The following TWF2 variants were observed in gnomAD, a reference collection of about 807,000 sequenced individuals.
The protein encoded by TWF2 is twinfilin-2.
TWF2 carries 15 observed loss-of-function variants against 45.1 expected under a neutral mutation model. The ratio of observed to expected loss-of-function variants is 0.33; its 90% CI spans 0.22 to 0.51. The LOEUF (loss-of-function observed/expected upper bound fraction) is 0.51. Among genes scored for constraint, TWF2 ranks in the 20% least tolerant of loss-of-function variants. The probability of loss-of-function intolerance (pLI) is 0.97; values close to 1 mark genes in which losing one functional copy is unlikely to be tolerated. For missense variants in TWF2, 423 were observed against 469.1 expected, an observed-to-expected ratio of 0.90 and a Z score of 0.91; for synonymous variants, 177 against 195.8, an observed-to-expected ratio of 0.90 and a Z score of 0.80.
At chr3:52,231,379 C>A in intron 4 of TWF2, 65 bp downstream of exon 4, 2 of 1,593,944 alleles carry the variant, frequency 1.3e-6, no homozygotes, top group South Asian at 1.1e-5. Context: ...GCTCTCTGAC[C>A]CTGCACAGTG....
Position 52,230,074 on chromosome 3 carries a change from C to T in TWF2, c.610-4G>A, listed in dbSNP as rs1180097110. On this transcript the variant is annotated splice_polypyrimidine_tract_variant and splice_region_variant and intron_variant, in intron 6 of 8. Transcript: ENST00000305533. ...TTTCCCGCTCTAGGTCCAGCTTCTG[C>T]CCAGGGCCAAGGGAAGATGGGAGAG... is the stretch of plus-strand genomic sequence containing the variant. 2.8e-5 allele frequency: 44 copies of T among 1,578,392 alleles called. No individual in the cohort carries two copies. Among genetic ancestry groups the T allele is most frequent in the Non-Finnish European group, 3.7e-5 (43 of 1,164,146 alleles).
rs761159375 is a variant in TWF2 at position 52,230,919 on chromosome 3, T to C, written c.560A>G (p.Gln187Arg). 6.2e-7 allele frequency: 1 copy of C among 1,608,488 alleles called. No homozygotes were observed. Among genetic ancestry groups the C allele is most frequent in the Admixed American group, 1.7e-5 (1 of 58,962 alleles). Residue 187 changes from glutamine to arginine, a missense_variant, in exon 6 of 9, where the codon CAG becomes CGG. Physicochemically the swap from Gln to Arg is conservative, Grantham distance 43. Coordinates refer to ENST00000305533, the MANE Select transcript of TWF2 (RefSeq NM_007284.4). The part of the protein sequence containing the change: ...GLAFPLQPEA[Q>R]RALQQLKQKM... ...CTGCTTGAGCTGCTGGAGTGCCCGCTGGGCCTCAGGCTGCAGGGGGAAGGC... is the reference window on the plus strand; with the variant it reads ...CTGCTTGAGCTGCTGGAGTGCCCGCCGGGCCTCAGGCTGCAGGGGGAAGGC...
chr3:52,234,919 T>C, intron 2 of TWF2, 110 bp downstream of exon 2: 1 of 1,228,790 alleles, frequency 8.1e-7, no homozygotes, highest in Non-Finnish European at 1.2e-6. Context: ...ATTTCCAGAG[T>C]GGGAAATTGA....
intron 1 of TWF2, among the ~76,000 whole-genome samples, chr3:52,235,776 G>A (rs187622356): frequency 6.6e-6 from 1 of 152,304 alleles, no homozygotes; most frequent in African/African-American, 2.4e-5. Flanking sequence ...AGACGTGTGT[G>A]CAGGCAACAG....
intron 8 of TWF2, 115 bp from the exon 9 acceptor site, chr3:52,229,316 C>T: frequency 7.1e-7 from 1 of 1,403,612 alleles, no homozygotes; most frequent in South Asian, 1.4e-5. Flanking sequence ...CTGGGGTCTC[C>T]TGAGGTCTCC....
At chr3:52,231,663 C>A (rs868710521) in intron 3 of TWF2, 124 bp from the exon 4 acceptor site, 1 of 1,168,380 alleles carries the variant, frequency 8.6e-7, no homozygotes, top group Non-Finnish European at 1.2e-6. Context: ...AGGGCCAGCC[C>A]GGGGCCAGGA....
rs1395527572 is a variant in TWF2, at chr3:52,232,038, G to T, written c.188C>A (p.Ala63Asp). Residue 63 changes from alanine (A) to aspartate (D), a missense_variant, in exon 3 of 9, where the codon GCC (alanine) becomes GAC (aspartate). Coordinates refer to ENST00000305533, the MANE Select transcript of TWF2 (RefSeq NM_007284.4). ...GTAGAGCAGGTAGCAGGGCTGCTGG[G>T]CGTCCAGCAGTGGCAGCACGGCCCT... Reference protein sequence around the residue: ...YDRAVLPLLDAQQPCYLLYRL... With the variant: ...YDRAVLPLLDDQQPCYLLYRL... 1.9e-6 allele frequency: 3 copies of T among 1,613,876 alleles called. No individual in the cohort carries two copies. The highest frequency in any genetic ancestry group is 2.5e-6 in the Non-Finnish European group (3 of 1,179,934).
chr3:52,234,704 T>A (rs1267771078), intron 2 of TWF2, among the ~76,000 whole-genome samples: 1 of 152,218 alleles, frequency 6.6e-6, no homozygotes, highest in Non-Finnish European at 1.5e-5. Context: ...ACTTATCCCC[T>A]GCCCCTCTGC....
intron 2 of TWF2, 72 bp downstream of exon 2, chr3:52,234,957 C>T (rs1323194246): frequency 2.0e-5 from 32 of 1,562,184 alleles, no homozygotes; most frequent in Non-Finnish European, 1.1e-5. Flanking sequence ...GGCCAACATC[C>T]TCCTTCCCCC....
At chr3:52,232,213 C>G in intron 2 of TWF2, 91 bp from the exon 3 acceptor site, 1 of 1,415,466 alleles carries the variant, frequency 7.1e-7, no homozygotes, top group Non-Finnish European at 9.3e-7. Flanking sequence ...GCCCAGCTGG[C>G]TCAGAGCCGC....
intron 1 of TWF2, among the ~76,000 whole-genome samples, chr3:52,237,143 C>G (rs538795941): frequency 3.5e-4 from 54 of 152,318 alleles, no homozygotes; most frequent in African/African-American, 1.3e-3. Context: ...CCCTAAGGGA[C>G]AGGCCGACGG....
intron 1 of TWF2, 123 bp from the exon 2 acceptor site, chr3:52,235,229 A>T (rs1177967047): frequency 3.5e-6 from 3 of 859,264 alleles, no homozygotes; most frequent in Non-Finnish European, 5.3e-6. Context: ...ACAGCCCCCC[A>T]TGTGACTGGG....
chr3:52,236,355 A>G (rs1699725926), intron 1 of TWF2, among the ~76,000 whole-genome samples: 1 of 151,308 alleles, frequency 6.6e-6, no homozygotes, highest in Non-Finnish European at 1.5e-5. Context: ...GTAGAGCTGG[A>G]AGGTGAGAGC....
chr3:52,229,461 A>G (rs954359359), intron 8 of TWF2, among the ~76,000 whole-genome samples, 200 bp downstream of exon 8: 1 of 152,206 alleles, frequency 6.6e-6, no homozygotes, highest in African/African-American at 2.4e-5. Context: ...ATGACATGGT[A>G]GCCAGGACTT....
chr3:52,231,685 GC>G (rs1397120563), intron 3 of TWF2, 146 bp from the exon 4 acceptor site: 2 of 1,016,392 alleles, frequency 2.0e-6, no homozygotes, highest in Admixed American at 2.7e-5. Context: ...GCAGCAGGTG[GC>G]CCCCACCAGC....
chr3:52,238,104 G>A (rs1161037941), intron 1 of TWF2, among the ~76,000 whole-genome samples: 5 of 152,186 alleles, frequency 3.3e-5, no homozygotes, highest in Non-Finnish European at 7.4e-5. Flanking sequence ...GGTGTGATGC[G>A]GGAATGGTGA....
Position 52,238,976 on chromosome 3 carries a change from C to G in TWF2, c.25+16G>C. The G allele has an allele frequency of 6.3e-7, 1 of 1,591,998 alleles. No individual in the cohort carries two copies. The highest frequency in any genetic ancestry group is 1.7e-5 in the Admixed American group (1 of 59,792). ...CCCAGACCGAGGCCCCCTGCCCGCC[C>G]GCCATCCGCCCTCACCGTGGATGCC... On this transcript the variant is annotated intron_variant, in intron 1 of 8. Transcript: ENST00000305533.
intron 1 of TWF2, among the ~76,000 whole-genome samples, chr3:52,237,253 C>G (rs1699736316): frequency 6.6e-6 from 1 of 152,124 alleles, no homozygotes; most frequent in African/African-American, 2.4e-5. Context: ...CATCAATAAT[C>G]CAGAGGCCAG....
Position 52,229,170 on chromosome 3 carries a change from G to A in TWF2, c.914C>T (p.Ala305Val). 6.2e-7 allele frequency: 1 copy of A among 1,612,666 alleles called. No homozygotes were observed. Among genetic ancestry groups the A allele is most frequent in the Middle Eastern group, 1.7e-4 (1 of 5,790 alleles). The change falls in exon 9 of 9, where the codon GCA becomes GTA. Residue 305 changes from alanine (A) to valine (V), a missense_variant. Transcript: ENST00000305533. ...GTGCACCTCGTCGTAGAGGAACTCT[G>A]CCGTCAGCTCTGCCCCATCGCCAAT... The part of the protein sequence containing the change: ...IEIGDGAELT[A>V]EFLYDEVHPK...
Sources: gnomAD v4.1 joint callset for allele counts (sites outside exome capture counted in the v4.1 genomes callset) on GRCh38, gnomAD v4.1.1 for gene constraint, MANE v1.5 for transcripts, NCBI Gene and HGNC (gene_info 2026-07-23, HGNC 2026-07-21) for gene names.